CNTN4: variants seen among roughly 807,000 people sequenced by gnomAD.
The protein encoded by CNTN4 is contactin 4.
CNTN4 carries 77 observed loss-of-function variants against 122.5 expected under a neutral mutation model. That is an observed-to-expected ratio of 0.63 (90% confidence interval 0.52 to 0.76). CNTN4 has a LOEUF of 0.76. Among genes scored for constraint, CNTN4 ranks in the 30% least tolerant of loss-of-function variants. CNTN4 has a pLI of 0.00. For missense variants in CNTN4, 1,256 were observed against 1,259.1 expected (o/e 1.00, Z 0.04); for synonymous variants, 512 against 447.0 (o/e 1.15, Z -1.83).
intron 3 of CNTN4, among the ~76,000 whole-genome samples, chr3:2,353,471 T>G (rs1381999071): frequency 6.6e-6 from 1 of 152,100 alleles, no homozygotes; most frequent in Non-Finnish European, 1.5e-5. Flanking sequence ...TTGCCGCTGC[T>G]CACTCTTTGG....
chr3:2,325,663 C>A (rs981305148), intron 2 of CNTN4, among the ~76,000 whole-genome samples: 2 of 152,130 alleles, frequency 1.3e-5, no homozygotes, highest in Admixed American at 6.5e-5. Flanking sequence ...TGCTGTACAA[C>A]AAGGAACTTA....
chr3:2,400,328 T>C (rs1159765722), intron 3 of CNTN4, among the ~76,000 whole-genome samples: 2 of 148,426 alleles, frequency 1.3e-5, no homozygotes, highest in Non-Finnish European at 3.0e-5. Flanking sequence ...TACACACACA[T>C]ATGTAAAAGA....
intron 2 of CNTN4, among the ~76,000 whole-genome samples, chr3:2,230,916 G>T (rs2039460428): frequency 2.0e-5 from 3 of 152,004 alleles, no homozygotes; most frequent in Admixed American, 2.0e-4. Context: ...TGAGCCCAGG[G>T]GGTTGAGGCT....
chr3:2,964,817 G>C (rs1045145586), intron 13 of CNTN4, among the ~76,000 whole-genome samples: 3 of 152,138 alleles, frequency 2.0e-5, no homozygotes, highest in Non-Finnish European at 4.4e-5. Flanking sequence ...ACCTTTAATT[G>C]AAGTCGCACA....
At chr3:2,658,661 C>A (rs576087976) in intron 4 of CNTN4, among the ~76,000 whole-genome samples, 1 of 152,252 alleles carries the variant, frequency 6.6e-6, no homozygotes, top group East Asian at 1.9e-4. Flanking sequence ...TCCTTTTGGA[C>A]ATTTGCAGCA....
At chr3:2,992,264 C>A (rs1335803748) in intron 14 of CNTN4, among the ~76,000 whole-genome samples, 2 of 152,170 alleles carry the variant, frequency 1.3e-5, no homozygotes, top group Non-Finnish European at 2.9e-5. Flanking sequence ...GATTATCATC[C>A]CATCATCTGA....
At chr3:2,404,009 C>T (rs764664889) in intron 3 of CNTN4, among the ~76,000 whole-genome samples, 64 of 152,246 alleles carry the variant, frequency 4.2e-4, no homozygotes, top group African/African-American at 1.5e-3. Flanking sequence ...TTCTTCACAT[C>T]AGACATTTGT....
intron 7 of CNTN4, among the ~76,000 whole-genome samples, chr3:2,848,567 G>A (rs1006552058): frequency 2.0e-5 from 3 of 152,154 alleles, no homozygotes; most frequent in African/African-American, 7.2e-5. Flanking sequence ...CAATTCAAAT[G>A]AGCTTAAATA....
intron 3 of CNTN4, among the ~76,000 whole-genome samples, chr3:2,448,201 C>A (rs1208268713): frequency 2.6e-5 from 4 of 152,174 alleles, no homozygotes; most frequent in African/African-American, 9.7e-5. Context: ...GGGGGAAAAG[C>A]TGTGGGGCAC....
chr3:2,495,464 A>G (rs1259607739), intron 3 of CNTN4, among the ~76,000 whole-genome samples: 1 of 152,190 alleles, frequency 6.6e-6, no homozygotes, highest in Non-Finnish European at 1.5e-5. Flanking sequence ...TTTGGTGGAC[A>G]CACTACACTT....
At chr3:3,055,352 GT>G (rs983047315) in intron 24 of CNTN4, among the ~76,000 whole-genome samples, 1 of 152,046 alleles carries the variant, frequency 6.6e-6, no homozygotes, top group Non-Finnish European at 1.5e-5. Context: ...ATGATTCCTG[GT>G]TTTATTCATT....
chr3:2,814,481 C>T (rs540154730), intron 6 of CNTN4, among the ~76,000 whole-genome samples: 11 of 151,790 alleles, frequency 7.2e-5, no homozygotes, highest in Non-Finnish European at 1.5e-4. Flanking sequence ...CTAACATTTA[C>T]AATCTCCATG....
chr3:2,261,861 G>T (rs1214821084), intron 2 of CNTN4, among the ~76,000 whole-genome samples: 1 of 152,136 alleles, frequency 6.6e-6, no homozygotes, highest in African/African-American at 2.4e-5. Context: ...GTATCTGTGT[G>T]TGGGATGCAT....
At chr3:2,629,677 C>A in intron 4 of CNTN4, 1 of 349,670 alleles carries the variant, frequency 2.9e-6, no homozygotes, top group Non-Finnish European at 5.7e-6. Context: ...CACTAATATT[C>A]CTGATACATC....
intron 4 of CNTN4, among the ~76,000 whole-genome samples, chr3:2,595,069 C>T (rs1394708258): frequency 6.6e-6 from 1 of 152,130 alleles, no homozygotes; most frequent in Non-Finnish European, 1.5e-5. Context: ...AGATATGATC[C>T]AAGCTATACA....
chr3:2,355,272 C>T (rs575133424), intron 3 of CNTN4, among the ~76,000 whole-genome samples: 3 of 152,248 alleles, frequency 2.0e-5, no homozygotes, highest in South Asian at 2.1e-4. Flanking sequence ...GATCACCTAG[C>T]GAGTCAATCA....
At chr3:2,165,760 C>T (rs1169729379) in intron 2 of CNTN4, among the ~76,000 whole-genome samples, 1 of 151,994 alleles carries the variant, frequency 6.6e-6, no homozygotes, top group Admixed American at 6.6e-5. Flanking sequence ...CTTTTGGATT[C>T]CACATATAAG....
intron 2 of CNTN4, among the ~76,000 whole-genome samples, chr3:2,220,132 C>T (rs2039004229): frequency 6.6e-6 from 1 of 152,180 alleles, no homozygotes; most frequent in Non-Finnish European, 1.5e-5. Context: ...TTTACTTTCA[C>T]TGAAACCCTT....
intron 2 of CNTN4, among the ~76,000 whole-genome samples, chr3:2,277,409 G>A (rs2149866419): frequency 6.6e-6 from 1 of 152,176 alleles, no homozygotes; most frequent in South Asian, 2.1e-4. Flanking sequence ...TATATATGGA[G>A]TGGAACAAAA....
Sources: allele counts gnomAD v4.1 joint callset (sites outside exome capture counted in the v4.1 genomes callset), GRCh38; gene constraint gnomAD v4.1.1; transcripts MANE v1.5; gene names NCBI Gene and HGNC (gene_info 2026-07-23, HGNC 2026-07-21).